The following ERC1 variants were observed in gnomAD, a reference collection of about 807,000 sequenced individuals.
The protein encoded by ERC1 is RAB6 interacting protein 2.
A neutral mutation model predicts 132.0 loss-of-function variants in ERC1; 56 were observed. The ratio of observed to expected loss-of-function variants is 0.42; its 90% CI spans 0.34 to 0.53. The LOEUF (loss-of-function observed/expected upper bound fraction) is 0.53. Among genes scored for constraint, ERC1 ranks in the 20% least tolerant of loss-of-function variants. ERC1 has a pLI of 0.03. For missense variants in ERC1, 1,202 were observed against 1,349.9 expected, an observed-to-expected ratio of 0.89 and a Z score of 1.72; for synonymous variants, 478 against 476.1, an observed-to-expected ratio of 1.00 and a Z score of -0.05.
intron 14 of ERC1, among the ~76,000 whole-genome samples, chr12:1,266,924 T>C (rs1050709114): frequency 6.6e-6 from 1 of 152,242 alleles, no homozygotes; most frequent in Non-Finnish European, 1.5e-5. Flanking sequence ...TCTACATCTC[T>C]TAATTCCTCC....
At chr12:1,320,197 A>T (rs1330094869) in intron 15 of ERC1, among the ~76,000 whole-genome samples, 2 of 152,218 alleles carry the variant, frequency 1.3e-5, no homozygotes, top group Non-Finnish European at 2.9e-5. Context: ...ATCTTTTCAC[A>T]TATGTAAGCA....
At chr12:1,071,629 A>G (rs1400282861) in intron 2 of ERC1, among the ~76,000 whole-genome samples, 4 of 151,892 alleles carry the variant, frequency 2.6e-5, no homozygotes, top group Non-Finnish European at 5.9e-5. Flanking sequence ...TGGCATGCCA[A>G]TTTTATTTTT....
intron 2 of ERC1, among the ~76,000 whole-genome samples, chr12:1,077,662 C>T (rs1331225214): frequency 1.3e-5 from 2 of 152,086 alleles, no homozygotes; most frequent in African/African-American, 2.4e-5. Flanking sequence ...TGCAGTGTGT[C>T]GGGAACAGAC....
intron 17 of ERC1, among the ~76,000 whole-genome samples, chr12:1,436,683 C>A (rs2092958342): frequency 6.6e-6 from 1 of 150,756 alleles, no homozygotes; most frequent in Non-Finnish European, 1.5e-5. Context: ...GGCACCAGGC[C>A]TCAGAGGGTC....
chr12:1,132,996 C>T (rs1047523430), intron 7 of ERC1, among the ~76,000 whole-genome samples: 3 of 151,842 alleles, frequency 2.0e-5, no homozygotes, highest in Non-Finnish European at 2.9e-5. Context: ...GCTGGGATTA[C>T]AGGCATGCAC....
chr12:1,058,381 G>A (rs983692124), intron 2 of ERC1, among the ~76,000 whole-genome samples: 1 of 152,112 alleles, frequency 6.6e-6, no homozygotes, highest in Non-Finnish European at 1.5e-5. Context: ...TTTGGTAAAA[G>A]GTAGGGGTCT....
intron 2 of ERC1, among the ~76,000 whole-genome samples, chr12:1,035,560 G>C (rs1246995204): frequency 6.6e-6 from 1 of 152,114 alleles, no homozygotes; most frequent in African/African-American, 2.4e-5. Context: ...AGTCAGGAAG[G>C]TTTTTGGTGT....
intron 8 of ERC1, among the ~76,000 whole-genome samples, chr12:1,158,031 C>T (rs568352815): frequency 5.7e-4 from 87 of 152,264 alleles, no homozygotes; most frequent in African/African-American, 2.0e-3. Context: ...TGTAATCCGT[C>T]ACTTTATCTA....
chr12:1,399,423 T>C (rs1432536428), intron 16 of ERC1, among the ~76,000 whole-genome samples: 2 of 152,196 alleles, frequency 1.3e-5, no homozygotes, highest in African/African-American at 4.8e-5. Flanking sequence ...ATCACTACAA[T>C]ACCCTATTTT....
intron 14 of ERC1, among the ~76,000 whole-genome samples, chr12:1,273,686 C>T (rs1251156007): frequency 6.6e-6 from 1 of 152,036 alleles, no homozygotes; most frequent in South Asian, 2.1e-4. Flanking sequence ...TGCCTAGTGG[C>T]TACTATATTG....
chr12:1,244,615 G>A (rs144191621), intron 13 of ERC1: 203 of 443,062 alleles, frequency 4.6e-4, no homozygotes, highest in African/African-American at 3.5e-3. Context: ...TCCTTCTACC[G>A]GATTCAAGTG....
At chr12:1,489,837 C>T (rs1340790578) in intron 18 of ERC1, among the ~76,000 whole-genome samples, 2 of 152,174 alleles carry the variant, frequency 1.3e-5, no homozygotes, top group Admixed American at 6.5e-5. Context: ...ATTCTGTTTA[C>T]AGTGAGAGGC....
chr12:1,432,776 C>T (rs1164168188), intron 17 of ERC1, among the ~76,000 whole-genome samples: 1 of 152,236 alleles, frequency 6.6e-6, no homozygotes, highest in Non-Finnish European at 1.5e-5. Flanking sequence ...CACTGTATCA[C>T]TCTGTGTGTA....
chr12:1,195,880 C>CCG (rs1956180918), intron 12 of ERC1, among the ~76,000 whole-genome samples: 1 of 142,444 alleles, frequency 7.0e-6, no homozygotes, highest in Non-Finnish European at 1.5e-5. Flanking sequence ...TTTCCGCCCC[C>CCG]CCCCCCCTTT....
Position 1,105,045 on chromosome 12 carries a change from A to G in ERC1, c.1161+221A>G, listed in dbSNP as rs74057016. On this transcript the variant is annotated intron_variant, in intron 4 of 18. Transcript: ENST00000360905. The stretch of plus-strand genomic sequence containing the variant: ...ATTGGACCAAAAAGAGTTGAACAGA[A>G]TTTCTTTAAATCAGCTATTCGCAGA... Among the ~76,000 whole-genome samples the G allele has an allele frequency of 9.2e-3, 1,406 of 152,302 alleles. 20 individuals are homozygous for G. The highest frequency in any genetic ancestry group is 0.031 in the African/African-American group (1,277 of 41,560).
At chr12:1,186,003 T>A (rs1410276849) in intron 11 of ERC1, among the ~76,000 whole-genome samples, 1 of 152,230 alleles carries the variant, frequency 6.6e-6, no homozygotes, top group African/African-American at 2.4e-5. Context: ...CCATGCTTAG[T>A]AACTGAATTT....
rs1421215947 is a variant in ERC1 at position 1,196,969 on chromosome 12, TATATA to T, written c.2351+6918_2351+6922del. On this transcript the variant is annotated intron_variant, in intron 12 of 18. Transcript: ENST00000360905. ...ACACACACACACACACACATATATA[TATATA>T]TATTTTTTTTTTTTTTTTTTTTTTA... 3.4e-4 allele frequency among the ~76,000 whole-genome samples: 27 copies of T among 78,412 alleles called. 1 individual carries two copies. The highest frequency in any genetic ancestry group is 2.2e-3 in the African/African-American group (25 of 11,146). The allele number at this position is 78,412 out of a possible 152,430, so 51.4% of individuals were successfully genotyped here.
Position 1,338,456 on chromosome 12 carries a change from C to T in ERC1, c.2781-33377C>T, listed in dbSNP as rs141155851. 1.3e-3 allele frequency among the ~76,000 whole-genome samples: 197 copies of T among 152,232 alleles called. 3 individuals carry two copies. Among genetic ancestry groups the T allele is most frequent in the Non-Finnish European group, 1.9e-3 (131 of 68,020 alleles). Reference sequence around the variant, plus strand: ...CCTATATTGTTGTACTGTGATTCTTCGCTTCCTTGATTTTGTTTCAGCATA... The same window carrying T: ...CCTATATTGTTGTACTGTGATTCTTTGCTTCCTTGATTTTGTTTCAGCATA... On this transcript the variant is annotated intron_variant, in intron 15 of 18. Coordinates refer to ENST00000360905, the MANE Select transcript of ERC1 (RefSeq NM_178040.4).
chr12:1,027,336 A>C (rs1967062473), intron 1 of ERC1: 1 of 152,086 alleles, frequency 6.6e-6, no homozygotes. Context: ...TCAGACATTG[A>C]GTTTAATCTT....
Sources: allele counts gnomAD v4.1 joint callset (sites outside exome capture counted in the v4.1 genomes callset), GRCh38; gene constraint gnomAD v4.1.1; transcripts MANE v1.5; gene names NCBI Gene and HGNC (gene_info 2026-07-23, HGNC 2026-07-21).